INPP5D: variants seen among roughly 807,000 people sequenced by gnomAD.
The protein encoded by INPP5D is phosphatidylinositol 3,4,5-trisphosphate 5-phosphatase 1.
A neutral mutation model predicts 122.9 loss-of-function variants in INPP5D; 33 were observed. The observed-to-expected ratio is 0.27, with a 90% CI of 0.20 to 0.36. The LOEUF is 0.36. Ranked by LOEUF, INPP5D falls within the 10% of genes least tolerant of loss-of-function variation. INPP5D has a pLI of 1.00. For missense variants in INPP5D, 1,053 were observed against 1,412.7 expected (o/e 0.75, Z 4.08); for synonymous variants, 584 against 576.2 (o/e 1.01, Z -0.19).
In INPP5D at chr2:233,105,231, G is replaced by C. The variant is rs961687940; in HGVS notation, c.199-16876G>C. Among the ~76,000 whole-genome samples, 1 of 152,204 alleles carries C rather than the reference G, an allele frequency of 6.6e-6. No individual in the cohort carries two copies. Among genetic ancestry groups the C allele is most frequent in the Admixed American group, 6.5e-5 (1 of 15,288 alleles). ...AGGGGGGCGGTCAGTGGGTCCCAGGGAACTGGGTAGGACAGCAGCTGCGCT... is the reference window on the plus strand; with the variant it reads ...AGGGGGGCGGTCAGTGGGTCCCAGGCAACTGGGTAGGACAGCAGCTGCGCT... On this transcript the variant is annotated intron_variant, in intron 2 of 26. Transcript: ENST00000445964. The surrounding 1 kb of genome is among the most constrained non-coding windows in gnomAD (Gnocchi z 4.0).
chr2:233,198,756 G>A (rs1466811684), intron 25 of INPP5D, among the ~76,000 whole-genome samples: 1 of 151,454 alleles, frequency 6.6e-6, no homozygotes, highest in Non-Finnish European at 1.5e-5. Flanking sequence ...TTCGAGACCA[G>A]CCTGACCAAC....
Position 233,188,859 on chromosome 2 carries a change from G to A in INPP5D, c.2359-991G>A, listed in dbSNP as rs891197800. On this transcript the variant is annotated intron_variant, in intron 21 of 26. Coordinates refer to ENST00000445964, the MANE Select transcript of INPP5D (RefSeq NM_001017915.3). The surrounding 1 kb of genome is among the most constrained non-coding windows in gnomAD (Gnocchi z 4.7). Reference sequence around the variant, plus strand: ...ATTATAGGCATGAGCCACTGCACCTGGCCTGGAACTTTCTGAATGGAGATA... The same window carrying A: ...ATTATAGGCATGAGCCACTGCACCTAGCCTGGAACTTTCTGAATGGAGATA... Among the ~76,000 whole-genome samples the A allele has an allele frequency of 6.6e-6, 1 of 152,126 alleles. No homozygotes were observed. Among genetic ancestry groups the A allele is most frequent in the Non-Finnish European group, 1.5e-5 (1 of 68,022 alleles).
intron 5 of INPP5D, among the ~76,000 whole-genome samples, chr2:233,137,832 C>CAAAAAA (rs746005379): frequency 6.9e-4 from 7 of 10,148 alleles, no homozygotes; most frequent in African/African-American, 1.3e-3. Flanking sequence ...AACTCCATCA[C>CAAAAAA]AAAAAAAAAA....
At chr2:233,104,343 C>A (rs1313383260) in intron 2 of INPP5D, among the ~76,000 whole-genome samples, 1 of 152,152 alleles carries the variant, frequency 6.6e-6, no homozygotes, top group African/African-American at 2.4e-5. Context: ...AATATTCATC[C>A]TTTTCTTCAT....
intron 13 of INPP5D, among the ~76,000 whole-genome samples, chr2:233,166,398 A>G (rs748268871): frequency 3.9e-5 from 6 of 152,160 alleles, no homozygotes; most frequent in Non-Finnish European, 8.8e-5. Context: ...AGACGGGAGG[A>G]AAAGAAGCCA....
intron 17 of INPP5D, among the ~76,000 whole-genome samples, chr2:233,173,624 ACT>A (rs1694547495): frequency 6.6e-6 from 1 of 152,102 alleles, no homozygotes; most frequent in South Asian, 2.1e-4. Flanking sequence ...ATTTACATTG[ACT>A]TTTTTGTTGA....
At chr2:233,115,227 C>T (rs1379947461) in intron 2 of INPP5D, among the ~76,000 whole-genome samples, 1 of 152,214 alleles carries the variant, frequency 6.6e-6, no homozygotes, top group Non-Finnish European at 1.5e-5. Flanking sequence ...ATTCTATATG[C>T]TCTTCCATTT....
At chr2:233,187,987 C>T (rs761888954) in intron 21 of INPP5D, among the ~76,000 whole-genome samples, 4 of 152,072 alleles carry the variant, frequency 2.6e-5, no homozygotes, top group East Asian at 1.9e-4. Flanking sequence ...TCCTCACAGC[C>T]GCCAAGTCCT....
intron 5 of INPP5D, chr2:233,133,881 T>G (rs953389150): frequency 2.3e-6 from 1 of 435,142 alleles, no homozygotes; most frequent in Non-Finnish European, 4.7e-6. Context: ...GGCAGGGGTC[T>G]GTGTCTGTTT....
At chr2:233,079,195 CT>C in intron 1 of INPP5D, 139 bp from the exon 2 acceptor site, 1 of 637,770 alleles carries the variant, frequency 1.6e-6, no homozygotes, top group Non-Finnish European at 2.8e-6. Flanking sequence ...TCACCTCCAT[CT>C]TAAGAGAACG....
At chr2:233,117,744 G>A (rs965641714) in intron 2 of INPP5D, among the ~76,000 whole-genome samples, 1 of 152,180 alleles carries the variant, frequency 6.6e-6, no homozygotes, top group Non-Finnish European at 1.5e-5. Flanking sequence ...CATGAAAAAC[G>A]CACATGACAC....
At position 233,183,984 on chromosome 2, in the gene INPP5D, G is replaced by A. The variant is rs7589624; in HGVS notation, c.2162-424G>A. Among the ~76,000 whole-genome samples the A allele has an allele frequency of 0.012, 1,833 of 152,310 alleles. 34 individuals carry two copies. Among genetic ancestry groups the A allele is most frequent in the African/African-American group, 0.042 (1,751 of 41,568 alleles). ...TCCAGAGGAAGGAGTGGGGATAACT[G>A]TGCCTAAGGGAGAGAGAGCTGCTAG... On this transcript the variant is annotated intron_variant, in intron 19 of 26. Coordinates refer to ENST00000445964, the MANE Select transcript of INPP5D (RefSeq NM_001017915.3). This position sits in a 1 kb window ranked among gnomAD's most constrained non-coding sequence, Gnocchi z 4.6.
At chr2:233,136,400 A>C (rs2106269096) in intron 5 of INPP5D, among the ~76,000 whole-genome samples, 2 of 151,946 alleles carry the variant, frequency 1.3e-5, no homozygotes, top group South Asian at 4.2e-4. Context: ...AATCGCTTGA[A>C]CCCAGGAGAC....
rs149112829 is a variant in INPP5D, at chr2:233,096,378, G to A, written c.198+16980G>A. The stretch of plus-strand genomic sequence containing the variant: ...TAGAAATGACACTAATGACCCAGGC[G>A]TGGTGGTTCATGCCTATAATCCCAG... On this transcript the variant is annotated intron_variant, in intron 2 of 26. Transcript: ENST00000445964. 1.1e-3 allele frequency among the ~76,000 whole-genome samples: 173 copies of A among 152,288 alleles called. 1 individual carries two copies. In the East Asian group the frequency reaches 0.017, roughly 15 times the overall value.
At chr2:233,147,413 A>T in intron 8 of INPP5D, 58 bp from the exon 9 acceptor site, 1 of 698,658 alleles carries the variant, frequency 1.4e-6, no homozygotes, top group Non-Finnish European at 2.6e-6. Context: ...CGGGCGGGGG[A>T]AGCCTTGCAA....
At chr2:233,166,971 G>A (rs1263415384) in intron 13 of INPP5D, among the ~76,000 whole-genome samples, 7 of 148,170 alleles carry the variant, frequency 4.7e-5, no homozygotes, top group Admixed American at 1.3e-4. Context: ...GTGACAGAGC[G>A]AGACTCTATC....
chr2:233,199,963 C>T (rs563136020), intron 25 of INPP5D, among the ~76,000 whole-genome samples: 7 of 152,276 alleles, frequency 4.6e-5, no homozygotes, highest in African/African-American at 1.2e-4. Context: ...TCTTTTTTCT[C>T]GACCATGAGG....
intron 1 of INPP5D, among the ~76,000 whole-genome samples, chr2:233,063,628 C>T (rs751690442): frequency 3.3e-5 from 5 of 152,234 alleles, no homozygotes; most frequent in Admixed American, 6.5e-5. Context: ...AGGTCAGCCC[C>T]GTCACCTACC....
intron 2 of INPP5D, among the ~76,000 whole-genome samples, chr2:233,090,642 G>A (rs1463642695): frequency 6.6e-6 from 1 of 152,082 alleles, no homozygotes; most frequent in East Asian, 1.9e-4. Flanking sequence ...GAGAGAAAAC[G>A]GACATTCCAA....
Sources: gnomAD v4.1 joint callset for allele counts (sites outside exome capture counted in the v4.1 genomes callset) on GRCh38, gnomAD v4.1.1 for gene constraint, Gnocchi (gnomAD v3.1) non-coding constraint, MANE v1.5 for transcripts, NCBI Gene and HGNC (gene_info 2026-07-23, HGNC 2026-07-21) for gene names.